SLC4A8: variants seen among roughly 807,000 people sequenced by gnomAD.
SLC4A8 encodes the protein solute carrier family 4 member 8, also known as electroneutral sodium bicarbonate exchanger 1.
Under a neutral mutation model 125.0 loss-of-function variants are expected in SLC4A8, and 40 were observed. That is an observed-to-expected ratio of 0.32 (90% confidence interval 0.25 to 0.42). The LOEUF (loss-of-function observed/expected upper bound fraction) is 0.42, where lower values mean the gene tolerates loss of function less well. SLC4A8 is among the 10% of genes least tolerant of loss of function. The probability of loss-of-function intolerance (pLI) is 1.00; values close to 1 mark genes in which losing one functional copy is unlikely to be tolerated. For missense variants in SLC4A8, 863 were observed against 1,355.1 expected (o/e 0.64, Z 5.70); for synonymous variants, 456 against 476.0 (o/e 0.96, Z 0.55).
intron 2 of SLC4A8, among the ~76,000 whole-genome samples, chr12:51,449,964 G>A (rs148159193): frequency 7.9e-5 from 12 of 152,276 alleles, no homozygotes; most frequent in Admixed American, 4.6e-4. Context: ...AGGAGTTCAA[G>A]GCTACAGTAA....
At chr12:51,462,612 G>C (rs1293259058) in intron 10 of SLC4A8, 156 bp downstream of exon 10, 1 of 574,966 alleles carries the variant, frequency 1.7e-6, no homozygotes, top group Non-Finnish European at 2.7e-6. Context: ...ATGAATCTGG[G>C]CTGGGTGTGG....
chr12:51,438,421 T>C (rs1949488811), intron 1 of SLC4A8, among the ~76,000 whole-genome samples: 1 of 152,214 alleles, frequency 6.6e-6, no homozygotes, highest in African/African-American at 2.4e-5. Context: ...TAACATAATG[T>C]CCTTCAGTTC....
chr12:51,480,046 T>C (rs1174927411), intron 16 of SLC4A8: 1 of 367,196 alleles, frequency 2.7e-6, no homozygotes, highest in Admixed American at 3.7e-5. Context: ...CTTGGCTCAC[T>C]GCAACCTCCG....
intron 16 of SLC4A8, 90 bp downstream of exon 16, chr12:51,475,296 G>A (rs917600463): frequency 3.8e-6 from 5 of 1,329,834 alleles, no homozygotes; most frequent in South Asian, 1.3e-5. Flanking sequence ...GGGGTTGATT[G>A]GCCAGGTGGA....
rs1424248298 is a variant in SLC4A8, at chr12:51,471,395, T to A, written c.1767T>A (p.Ile589=). The A allele has an allele frequency of 6.2e-7, 1 of 1,614,086 alleles. No homozygotes were observed. The highest frequency in any genetic ancestry group is 1.3e-5 in the African/African-American group (1 of 74,922). The change falls in exon 14 of 25, where the codon ATT becomes ATA. Residue 589 remains isoleucine, a synonymous_variant. Transcript: ENST00000453097. Reference sequence around the variant, plus strand: ...ATGCCAGTTCCCTTGTCTGCTACATTACCCGTTTCACTGAAGAAGCATTTG... The same window carrying A: ...ATGCCAGTTCCCTTGTCTGCTACATAACCCGTTTCACTGAAGAAGCATTTG... The part of the protein sequence containing the change: ...ATDASSLVCY[I]TRFTEEAFAS...
rs1018374696 is a variant in SLC4A8 at position 51,508,096 on chromosome 12, C to T, written c.*658C>T. On this transcript the variant is annotated 3_prime_UTR_variant, in exon 25 of 25. Coordinates refer to ENST00000453097, the MANE Select transcript of SLC4A8 (RefSeq NM_001039960.3). ...ATCTCCATCACTCCTTAGCAGCAGC[C>T]TGCATAACTGGCAAGAATCTTGGAT... 1 of 152,252 alleles carries T rather than the reference C, an allele frequency of 6.6e-6. No homozygotes were observed. Among genetic ancestry groups the T allele is most frequent in the African/African-American group, 2.4e-5 (1 of 41,452 alleles). The allele number at this position is 152,252 out of a possible 1,614,324, so 9.4% of individuals were successfully genotyped here.
At chr12:51,488,417 C>A (rs1254845790) in intron 17 of SLC4A8, among the ~76,000 whole-genome samples, 1 of 152,046 alleles carries the variant, frequency 6.6e-6, no homozygotes, top group Admixed American at 6.6e-5. Context: ...CCTCTGGGTC[C>A]CCTGTGCCAA....
chr12:51,423,652 T>C (rs537488677), upstream of SLC4A8, among the ~76,000 whole-genome samples: 112 of 152,304 alleles, frequency 7.4e-4, 1 homozygote, highest in African/African-American at 2.6e-3. Context: ...CTGTAGCTTC[T>C]TTAGGGGCTG....
chr12:51,452,739 G>A (rs1337384683), intron 4 of SLC4A8, among the ~76,000 whole-genome samples: 1 of 152,172 alleles, frequency 6.6e-6, no homozygotes, highest in Non-Finnish European at 1.5e-5. Flanking sequence ...AGACCCTTGG[G>A]ATTATATCCA....
intron 2 of SLC4A8, among the ~76,000 whole-genome samples, chr12:51,449,107 AG>A (rs1263449651): frequency 6.6e-6 from 1 of 152,164 alleles, no homozygotes; most frequent in Non-Finnish European, 1.5e-5. Flanking sequence ...AGCCAGACTG[AG>A]GAAGAGAAGA....
At chr12:51,447,714 C>CTT (rs1239053396) in intron 2 of SLC4A8, among the ~76,000 whole-genome samples, 7,182 of 125,602 alleles carry the variant, frequency 0.057, 379 homozygotes, top group East Asian at 0.19. Flanking sequence ...GGGATTTCCA[C>CTT]TTTTTTTTTT....
chr12:51,432,081 A>G (rs559239827), intron 1 of SLC4A8, among the ~76,000 whole-genome samples: 52 of 152,316 alleles, frequency 3.4e-4, no homozygotes, highest in African/African-American at 1.3e-3. Context: ...AATGTGAGGT[A>G]TATAAGTGTA....
chr12:51,481,156 T>G (rs975050770), intron 16 of SLC4A8, among the ~76,000 whole-genome samples: 2 of 152,222 alleles, frequency 1.3e-5, no homozygotes, highest in Non-Finnish European at 2.9e-5. Context: ...TTTAGAGATT[T>G]AGATGTTATA....
chr12:51,477,620 T>G (rs1438458013), intron 16 of SLC4A8, among the ~76,000 whole-genome samples: 1 of 152,216 alleles, frequency 6.6e-6, no homozygotes, highest in African/African-American at 2.4e-5. Context: ...GTTAAAATAG[T>G]CTTGTTTTAC....
chr12:51,492,538 C>A (rs1206807074), intron 19 of SLC4A8, among the ~76,000 whole-genome samples: 1 of 152,204 alleles, frequency 6.6e-6, no homozygotes, highest in African/African-American at 2.4e-5. Flanking sequence ...CAGTGGCCAT[C>A]CCTGGGCTTT....
At position 51,427,822 on chromosome 12, in the gene SLC4A8, T is replaced by C. The variant is rs547046386; in HGVS notation, c.48+2787T>C. ...CCTTCTAACAGTTCCCTCTGCTTTC[T>C]TTCTTGCCCTTCTGTAAGACTACTC... On this transcript the variant is annotated intron_variant, in intron 1 of 24. Coordinates refer to ENST00000453097, the MANE Select transcript of SLC4A8 (RefSeq NM_001039960.3). Among the ~76,000 whole-genome samples the C allele has an allele frequency of 3.2e-3, 487 of 152,308 alleles. 3 individuals carry two copies. Among genetic ancestry groups the C allele is most frequent in the African/African-American group, 0.011 (461 of 41,562 alleles).
chr12:51,463,078 A>G (rs1374683590), intron 10 of SLC4A8, among the ~76,000 whole-genome samples: 1 of 152,096 alleles, frequency 6.6e-6, no homozygotes, highest in African/African-American at 2.4e-5. Context: ...AGCAAGTTGT[A>G]TAGAGAGAGC....
At chr12:51,424,779 C>T (rs1948900353), upstream of SLC4A8, 1 of 549,420 alleles carries the variant, frequency 1.8e-6, no homozygotes. Flanking sequence ...CCGTGCTCCG[C>T]GCCCTGATTG....
At chr12:51,432,205 G>C (rs1213840903) in intron 1 of SLC4A8, among the ~76,000 whole-genome samples, 1 of 151,680 alleles carries the variant, frequency 6.6e-6, no homozygotes, top group Non-Finnish European at 1.5e-5. Flanking sequence ...TCAGGAGATC[G>C]AGACCATCCT....
Sources: allele counts gnomAD v4.1 joint callset (sites outside exome capture counted in the v4.1 genomes callset), GRCh38; gene constraint gnomAD v4.1.1; transcripts MANE v1.5; gene names NCBI Gene and HGNC (gene_info 2026-07-23, HGNC 2026-07-21).